The following STK32C variants were observed in gnomAD, a reference collection of about 807,000 sequenced individuals.
STK32C encodes the protein serine/threonine kinase 32C.
Under a neutral mutation model 56.5 loss-of-function variants are expected in STK32C, and 31 were observed. The observed-to-expected ratio is 0.55, with a 90% confidence interval of 0.41 to 0.74. The LOEUF (loss-of-function observed/expected upper bound fraction) is 0.74. Ranked by LOEUF, STK32C falls within the 30% of genes least tolerant of loss-of-function variation. The pLI, the probability that STK32C is intolerant of heterozygous loss-of-function variation, is 0.00. For missense variants in STK32C, 544 were observed against 676.9 expected (o/e 0.80, Z 2.18); for synonymous variants, 309 against 289.4 (o/e 1.07, Z -0.69).
chr10:132,265,904 G>A (rs1590323528), intron 1 of STK32C, among the ~76,000 whole-genome samples: 2 of 152,170 alleles, frequency 1.3e-5, no homozygotes, highest in East Asian at 3.9e-4. Flanking sequence ...TAGGGGTTAG[G>A]GGGTGCCGTG....
intron 1 of STK32C, among the ~76,000 whole-genome samples, chr10:132,248,279 GAGAGGGC>G (rs1212307099): frequency 1.3e-5 from 2 of 152,242 alleles, no homozygotes; most frequent in Admixed American, 1.3e-4. Context: ...GGAGGAGAGT[GAGAGGGC>G]AGCTGGGCCG....
Position 132,306,664 on chromosome 10 carries a change from C to T in STK32C, c.262+908G>A, listed in dbSNP as rs188666445. Among the ~76,000 whole-genome samples, 160 of 152,344 alleles carry T rather than the reference C, an allele frequency of 1.1e-3. 1 individual carries two copies. The highest frequency in any genetic ancestry group is 3.8e-3 in the African/African-American group (157 of 41,566). On this transcript the variant is annotated intron_variant, in intron 1 of 11. Coordinates refer to ENST00000298630, the MANE Select transcript of STK32C (RefSeq NM_173575.4). ...TTGAAGGATCCATCATACCTCTGCA[C>T]GCTATCTATAAATGAAAAATGCACA... is the stretch of plus-strand genomic sequence containing the variant.
In STK32C at chr10:132,209,040, CTG is replaced by C; in HGVS notation, c.1311_1312del (p.Asn437LysfsTer19). The C allele has an allele frequency of 6.3e-7, 1 of 1,597,934 alleles. No individual in the cohort carries two copies. Among genetic ancestry groups the C allele is most frequent in the Non-Finnish European group, 8.6e-7 (1 of 1,167,644 alleles). Reference sequence around the variant, plus strand: ...CCACCCCCAACACACTCACTTTTCTCTGTTAAAAATCACGAAGTCTTGCTGGA... The same window carrying C: ...CCACCCCCAACACACTCACTTTTCTCTTAAAAATCACGAAGTCTTGCTGGA... On this transcript the variant is annotated frameshift_variant, in exon 11 of 12. Coordinates refer to ENST00000298630, the MANE Select transcript of STK32C (RefSeq NM_173575.4). LOFTEE classifies it low-confidence loss of function (END_TRUNC).
At chr10:132,244,900 C>A (rs2063631426) in intron 2 of STK32C, among the ~76,000 whole-genome samples, 1 of 152,204 alleles carries the variant, frequency 6.6e-6, no homozygotes, top group Non-Finnish European at 1.5e-5. Context: ...ACCAGCCTCA[C>A]CAGCAACAAA....
downstream of STK32C, among the ~76,000 whole-genome samples, chr10:132,320,207 G>A (rs747453656): frequency 4.1e-4 from 62 of 152,170 alleles, no homozygotes; most frequent in Non-Finnish European, 6.3e-4. Flanking sequence ...GATGGTGGGG[G>A]GTGTGCAGGA....
At chr10:132,230,936 C>G (rs1299420444) in intron 2 of STK32C, among the ~76,000 whole-genome samples, 1 of 152,216 alleles carries the variant, frequency 6.6e-6, no homozygotes, top group Non-Finnish European at 1.5e-5. Context: ...AGCCCACTCA[C>G]CAGGGGACAG....
intron 10 of STK32C, among the ~76,000 whole-genome samples, chr10:132,213,357 AG>A (rs2062374026): frequency 6.6e-6 from 1 of 152,202 alleles, no homozygotes; most frequent in Non-Finnish European, 1.5e-5. Context: ...ACACACCCAC[AG>A]GGCCTCCGCA....
chr10:132,307,711 G>C lies in STK32C; in HGVS notation c.123C>G (p.Gly41=), dbSNP rs778110766. 1 of 1,359,056 alleles carries C rather than the reference G, an allele frequency of 7.4e-7. No homozygotes were observed. The highest frequency in any genetic ancestry group is 1.5e-5 in the African/African-American group (1 of 65,684). 84.2% of individuals were successfully genotyped at this position (1,359,056 alleles called of 1,614,324 possible). ...CGCCCGAGTCCCGGGCCCGGGGCTGGCCAGCAGCGGGCGGCGGCAGGGCCG... is the reference window on the plus strand; with the variant it reads ...CGCCCGAGTCCCGGGCCCGGGGCTGCCCAGCAGCGGGCGGCGGCAGGGCCG... ...APSALPPPAA[G]QPRARDSGDV... The change falls in exon 1 of 12, where the codon GGC becomes GGG. Residue 41 remains glycine (G), a synonymous_variant. Coordinates refer to ENST00000298630, the MANE Select transcript of STK32C (RefSeq NM_173575.4). This position sits in a 1 kb window ranked among gnomAD's most constrained non-coding sequence, Gnocchi z 4.4.
chr10:132,234,831 T>G (rs941030611), intron 2 of STK32C, among the ~76,000 whole-genome samples: 2 of 152,314 alleles, frequency 1.3e-5, no homozygotes. Flanking sequence ...CATGGGCTAA[T>G]TTGTTACAGC....
At chr10:132,306,445 G>C (rs1207913105) in intron 1 of STK32C, among the ~76,000 whole-genome samples, 4 of 152,258 alleles carry the variant, frequency 2.6e-5, no homozygotes, top group Non-Finnish European at 4.4e-5. Context: ...GTGGGGCCTG[G>C]TGTGGCTGGG....
At position 132,272,589 on chromosome 10, in the gene STK32C, C is replaced by T. The variant is rs369889634; in HGVS notation, c.263-26634G>A. 2.0e-5 allele frequency among the ~76,000 whole-genome samples: 3 copies of T among 152,310 alleles called. No homozygotes were observed. In the East Asian group the frequency reaches 5.8e-4, roughly 29 times the overall value. ...CCCGTCTGTCGGGAAATCCTGCAGG[C>T]TCTTCCTTCAAGCGTTCCCAGACTC... On this transcript the variant is annotated intron_variant, in intron 1 of 11. Transcript: ENST00000298630.
At chr10:132,268,812 G>T (rs11596584) in intron 1 of STK32C, among the ~76,000 whole-genome samples, 25 of 101,366 alleles carry the variant, frequency 2.5e-4, no homozygotes, top group South Asian at 7.4e-4. Context: ...TGTGTGTGTC[G>T]GTGTGTGTGC....
At chr10:132,326,225 C>T (rs768889322) in intron 1 of STK32C, among the ~76,000 whole-genome samples, 23 of 152,282 alleles carry the variant, frequency 1.5e-4, no homozygotes, top group Middle Eastern at 3.4e-3. Context: ...GAAAAATAAA[C>T]AAATTTGGGG....
chr10:132,224,156 C>G (rs964449068), intron 8 of STK32C, among the ~76,000 whole-genome samples: 12 of 152,292 alleles, frequency 7.9e-5, no homozygotes, highest in Admixed American at 6.5e-4. Context: ...GGAGACGCAG[C>G]TCAGGGGATC....
chr10:132,323,589 T>C (rs1304113712), downstream of STK32C, among the ~76,000 whole-genome samples: 1 of 152,148 alleles, frequency 6.6e-6, no homozygotes, highest in Non-Finnish European at 1.5e-5. This position sits in a 1 kb window ranked among gnomAD's most constrained non-coding sequence, Gnocchi z 4.8. Context: ...CTATGTTAGG[T>C]ACATGAATTC....
At chr10:132,248,935 C>A (rs2063786194) in intron 1 of STK32C, 2 of 456,514 alleles carry the variant, frequency 4.4e-6, no homozygotes, top group South Asian at 3.1e-5. Flanking sequence ...GTTAGTCCCT[C>A]CCGGAGAGGA....
intron 1 of STK32C, among the ~76,000 whole-genome samples, chr10:132,293,624 T>C (rs917590002): frequency 1.3e-5 from 2 of 152,090 alleles, no homozygotes; most frequent in Admixed American, 1.3e-4. Flanking sequence ...AGAGCTCTTT[T>C]AAGAAGCAGC....
intron 1 of STK32C, among the ~76,000 whole-genome samples, chr10:132,331,234 T>C (rs2066711593): frequency 7.4e-6 from 1 of 134,442 alleles, no homozygotes; most frequent in Admixed American, 7.5e-5. Context: ...AGTGAAATCA[T>C]GGCAGACTCC....
At chr10:132,324,782 T>C (rs1487331959) in intron 1 of STK32C, among the ~76,000 whole-genome samples, 1 of 152,192 alleles carries the variant, frequency 6.6e-6, no homozygotes, top group East Asian at 1.9e-4. Context: ...GGTTGCAAGA[T>C]GGTTTTATAC....
Sources: allele counts gnomAD v4.1 joint callset (sites outside exome capture counted in the v4.1 genomes callset), GRCh38; gene constraint gnomAD v4.1.1; non-coding constraint Gnocchi (gnomAD v3.1); transcripts MANE v1.5; gene names NCBI Gene and HGNC (gene_info 2026-07-23, HGNC 2026-07-21).